MGAM: variants seen among roughly 807,000 people sequenced by gnomAD.
MGAM encodes the protein maltase-glucoamylase, also known as alpha-1,4-glucosidase.
MGAM carries 253 observed loss-of-function variants against 358.8 expected under a neutral mutation model. The observed-to-expected ratio is 0.71, with a 90% CI of 0.64 to 0.78. The LOEUF (loss-of-function observed/expected upper bound fraction) is 0.78. Ranked by LOEUF, MGAM falls within the 30% of genes least tolerant of loss-of-function variation. MGAM has a pLI of 0.00. For missense variants in MGAM, 3,080 were observed against 3,432.6 expected (o/e 0.90, Z 2.57); for synonymous variants, 1,105 against 1,227.1 (o/e 0.90, Z 2.08).
chr7:142,031,843 A>ATATCTG (rs782502092), intron 13 of MGAM, 50 bp downstream of exon 13: 2 of 1,282,676 alleles, frequency 1.6e-6, no homozygotes, highest in East Asian at 4.6e-5. Context: ...CAAATTGTGT[A>ATATCTG]TATCTGTATC....
Position 142,096,414 on chromosome 7 carries a change from G to A in MGAM, c.7691G>A (p.Arg2564His), listed in dbSNP as rs369519766. 8.4e-5 allele frequency: 135 copies of A among 1,613,646 alleles called. No individual in the cohort carries two copies. The highest frequency in any genetic ancestry group is 6.6e-4 in the Middle Eastern group (4 of 6,078). Reference protein sequence around the residue: ...PAFLVSPVLERNARNVTAYFP... With the variant: ...PAFLVSPVLEHNARNVTAYFP... ...TTCCTGGTCAGCCCTGTCCTGGAGC[G>A]TGTGAGTATGGAGGCCTCCGATGAG... The change falls in exon 65 of 71, where the codon CGT becomes CAT. Residue 2564 changes from arginine to histidine, a missense_variant and splice_region_variant. Physicochemically the swap from Arg to His is conservative, Grantham distance 29. Transcript: ENST00000475668.
In MGAM at chr7:142,086,621, A is replaced by G. The variant is rs1320429825; in HGVS notation, c.6748-34A>G. On this transcript the variant is annotated intron_variant, in intron 56 of 70. Coordinates refer to ENST00000475668, the MANE Select transcript of MGAM (RefSeq NM_001365693.1). ...AAATACTATGTAAGGGAAATTGTCTAGTGCATCGCTACTGAACATGTTTCT... is the reference window on the plus strand; with the variant it reads ...AAATACTATGTAAGGGAAATTGTCTGGTGCATCGCTACTGAACATGTTTCT... 2.0e-6 allele frequency: 2 copies of G among 1,015,724 alleles called. 1 individual carries two copies. The highest frequency in any genetic ancestry group is 4.2e-5 in the Admixed American group (2 of 47,560). 62.9% of individuals were successfully genotyped at this position (1,015,724 alleles called of 1,614,324 possible). A position where few individuals can be genotyped will look rare whatever the true frequency, so the allele number is the denominator to read the frequency against.
At chr7:142,029,619 T>C (rs1807280687) in intron 10 of MGAM, among the ~76,000 whole-genome samples, 1 of 152,178 alleles carries the variant, frequency 6.6e-6, no homozygotes, top group African/African-American at 2.4e-5. Flanking sequence ...CTGAGTTCAG[T>C]ATACATGTCA....
intron 22 of MGAM, among the ~76,000 whole-genome samples, chr7:142,049,257 C>A (rs1810706690): frequency 6.6e-6 from 1 of 152,100 alleles, no homozygotes; most frequent in East Asian, 1.9e-4. Flanking sequence ...TTCATTCATC[C>A]ATTGATGGAC....
chr7:141,989,440 G>A (rs571704717), intron 2 of MGAM, among the ~76,000 whole-genome samples: 1 of 152,068 alleles, frequency 6.6e-6, no homozygotes. Flanking sequence ...TCCAGATAAG[G>A]CAACTGAGCT....
intron 37 of MGAM, among the ~76,000 whole-genome samples, 156 bp from the exon 38 acceptor site, chr7:142,065,179 T>C (rs1812599852): frequency 6.6e-6 from 1 of 152,162 alleles, no homozygotes. Context: ...CTCCATCATC[T>C]GGGATCAGTG....
chr7:142,027,132 G>C lies in MGAM; in HGVS notation c.1000G>C (p.Ala334Pro). 6.2e-7 allele frequency: 1 copy of C among 1,613,346 alleles called. No homozygotes were observed. The highest frequency in any genetic ancestry group is 8.5e-7 in the Non-Finnish European group (1 of 1,179,400). Residue 334 changes from alanine (A) to proline (P), a missense_variant, in exon 9 of 71, where the codon GCG (alanine) becomes CCG (proline). By Grantham distance (27) the Ala-to-Pro change is conservative (BLOSUM62 -1). Transcript: ENST00000475668. ...CTTTCAAGAGGTTGTCCTTCAGCCT[G>C]CGCCAGCCATCACTTACCGCACCAT... is the stretch of plus-strand genomic sequence containing the variant. ...SNAMEVVLQPAPAITYRTIGG... is the reference protein window; with the variant it reads ...SNAMEVVLQPPPAITYRTIGG...
intron 20 of MGAM, 179 bp downstream of exon 20, chr7:142,040,350 T>C (rs1056296329): frequency 4.6e-5 from 28 of 609,400 alleles, no homozygotes; most frequent in Non-Finnish European, 6.1e-5. Context: ...TCAGTCATGA[T>C]GAAATGTGAA....
intron 41 of MGAM, 95 bp downstream of exon 41, chr7:142,066,816 A>T: frequency 7.3e-7 from 1 of 1,377,128 alleles, no homozygotes; most frequent in South Asian, 1.3e-5. Context: ...AATTAAAGAC[A>T]TGATGGCCTT....
chr7:142,064,749 A>G (rs866353414), intron 37 of MGAM, among the ~76,000 whole-genome samples: 1 of 152,182 alleles, frequency 6.6e-6, no homozygotes, highest in East Asian at 1.9e-4. Flanking sequence ...CCAGTGAAAA[A>G]CTTAATGATC....
rs371380239 is a variant in MGAM, at chr7:142,088,468, T to TGTATGTATGTA, written c.6810+1751_6810+1752insGTATGTATGTA. 9.7e-4 allele frequency among the ~76,000 whole-genome samples: 141 copies of TGTATGTATGTA among 144,996 alleles called. 3 individuals are homozygous for TGTATGTATGTA. The highest frequency in any genetic ancestry group is 3.0e-3 in the African/African-American group (123 of 40,892). ...ATGTATGTATGTATGTATGTACGTA[T>TGTATGTATGTA]CTATCTATCTACCTATCTCAGTCTA... On this transcript the variant is annotated intron_variant, in intron 57 of 70. Transcript: ENST00000475668.
chr7:142,044,720 A>G lies in MGAM; in HGVS notation c.2499-3065A>G, dbSNP rs560407798. On this transcript the variant is annotated intron_variant, in intron 21 of 70. Coordinates refer to ENST00000475668, the MANE Select transcript of MGAM (RefSeq NM_001365693.1). ...ATATTATATACACGTGTAATATATG[A>G]TGTATAATGAATATTATATACACGT... is the stretch of plus-strand genomic sequence containing the variant. 1.1e-3 allele frequency among the ~76,000 whole-genome samples: 99 copies of G among 92,704 alleles called. 22 individuals are homozygous for G. The highest frequency in any genetic ancestry group is 1.9e-3 in the Non-Finnish European group (87 of 46,884). The allele number at this position is 92,704 out of a possible 152,430, so 60.8% of individuals were successfully genotyped here.
In MGAM at chr7:142,021,008, A is replaced by T; in HGVS notation, c.483A>T (p.Ser161=). The change falls in exon 5 of 71, where the codon TCA becomes TCT. Residue 161 remains serine, a synonymous_variant. Transcript: ENST00000475668. ...FTARLKNLPS[S]PVFGSNVDNV... is the part of the protein sequence containing the mutation. ...CCCGGTTGAAAAATCTGCCTTCTTCACCAGTGTTTGGAAGCAATGTTGACA... is the reference window on the plus strand; with the variant it reads ...CCCGGTTGAAAAATCTGCCTTCTTCTCCAGTGTTTGGAAGCAATGTTGACA... 1 of 1,613,684 alleles carries T rather than the reference A, an allele frequency of 6.2e-7. No homozygotes were observed. Among genetic ancestry groups the T allele is most frequent in the Non-Finnish European group, 8.5e-7 (1 of 1,179,740 alleles).
chr7:142,090,171 G>A lies in MGAM; in HGVS notation c.6811-1742G>A, dbSNP rs540333307. 6.2e-5 allele frequency among the ~76,000 whole-genome samples: 9 copies of A among 146,038 alleles called. 2 individuals carry two copies. Among genetic ancestry groups the A allele is most frequent in the Non-Finnish European group, 1.2e-4 (8 of 64,542 alleles). On this transcript the variant is annotated intron_variant, in intron 57 of 70. Transcript: ENST00000475668. ...CAAAGGCAAGACTTGAATATGCACA[G>A]GTGTAAGGTAGAGCCAGCACGTTGG...
In MGAM at chr7:142,055,620, T is replaced by C; in HGVS notation, c.3377T>C (p.Leu1126Pro). ...ATGTTTATCCGCATCTCCACCCGCC[T>C]TCCCTCCAAGTACCTCTATGGCTTT... Reference protein sequence around the residue: ...SDMFIRISTRLPSKYLYGFGE... With the variant: ...SDMFIRISTRPPSKYLYGFGE... Residue 1126 changes from leucine (L) to proline (P), a missense_variant, in exon 28 of 71, where the codon CTT becomes CCT. Physicochemically the swap from Leu to Pro is moderately conservative, Grantham distance 98 (BLOSUM62 -3). Around this residue, in one of 5 missense-constraint regions of MGAM, gnomAD observed 1,816 missense variants for 1,840.5 expected, o/e 0.99. Coordinates refer to ENST00000475668, the MANE Select transcript of MGAM (RefSeq NM_001365693.1). 1.2e-6 allele frequency: 2 copies of C among 1,613,968 alleles called. No individual in the cohort carries two copies. The highest frequency in any genetic ancestry group is 1.7e-6 in the Non-Finnish European group (2 of 1,179,870).
chr7:142,062,423 G>A (rs772422354), intron 34 of MGAM, 145 bp from the exon 35 acceptor site: 1 of 1,091,966 alleles, frequency 9.2e-7, no homozygotes, highest in Non-Finnish European at 1.3e-6. Context: ...ATTTCTCTAA[G>A]AAGTTAATAA....
chr7:142,081,108 A>G (rs1814223323), intron 50 of MGAM, among the ~76,000 whole-genome samples, 163 bp downstream of exon 50: 1 of 146,332 alleles, frequency 6.8e-6, no homozygotes, highest in Non-Finnish European at 1.5e-5. Context: ...AATCTTTAGC[A>G]TTCTGGAAAT....
upstream of MGAM, among the ~76,000 whole-genome samples, chr7:141,991,422 G>T (rs1803943986): frequency 6.6e-6 from 1 of 151,792 alleles, no homozygotes; most frequent in African/African-American, 2.4e-5. Flanking sequence ...TGGTGGCTGG[G>T]GATGGAGAAA....
chr7:142,040,841 G>A lies in MGAM; in HGVS notation c.2493G>A (p.Leu831=), dbSNP rs1808455859. 2.5e-6 allele frequency: 4 copies of A among 1,609,952 alleles called. No individual in the cohort carries two copies. Among genetic ancestry groups the A allele is most frequent in the Non-Finnish European group, 3.4e-6 (4 of 1,178,242 alleles). ...FPTQQPNTTT[L]ASRKNPLGLI... ...CACAGCAGCCAAATACAACCACTCTGGCCAGGTATAGCATGGCTGGAGTGT... is the reference window on the plus strand; with the variant it reads ...CACAGCAGCCAAATACAACCACTCTAGCCAGGTATAGCATGGCTGGAGTGT... The change falls in exon 21 of 71, where the codon CTG becomes CTA. Residue 831 remains leucine (L), a synonymous_variant. Transcript: ENST00000475668.
Sources: allele counts gnomAD v4.1 joint callset (sites outside exome capture counted in the v4.1 genomes callset), GRCh38; gene constraint gnomAD v4.1.1; regional missense constraint gnomAD v4.1.1; transcripts MANE v1.5; gene names NCBI Gene and HGNC (gene_info 2026-07-23, HGNC 2026-07-21).